RGS6: variants seen among roughly 807,000 people sequenced by gnomAD.
RGS6 encodes the protein regulator of G-protein signaling 6.
RGS6 carries 30 observed loss-of-function variants against 78.5 expected under a neutral mutation model. The ratio of observed to expected loss-of-function variants is 0.38; its 90% CI spans 0.29 to 0.52. The LOEUF (loss-of-function observed/expected upper bound fraction) is 0.52. Among genes scored for constraint, RGS6 ranks in the 20% least tolerant of loss-of-function variants. The pLI is 0.85. For missense variants in RGS6, 495 were observed against 609.7 expected (o/e 0.81, Z 1.98); for synonymous variants, 206 against 206.0 (o/e 1.00, Z 0.00).
At chr14:72,019,327 C>T (rs996242015) in intron 2 of RGS6, among the ~76,000 whole-genome samples, 1 of 152,166 alleles carries the variant, frequency 6.6e-6, no homozygotes, top group Non-Finnish European at 1.5e-5. Flanking sequence ...TCTAACACTC[C>T]TAATATATTT....
Position 72,472,865 on chromosome 14 carries a change from C to T in RGS6, c.537-7C>T, listed in dbSNP as rs1434009356. 6.2e-7 allele frequency: 1 copy of T among 1,600,168 alleles called. No individual in the cohort carries two copies. The highest frequency in any genetic ancestry group is 8.5e-7 in the Non-Finnish European group (1 of 1,170,552). On this transcript the variant is annotated splice_region_variant and splice_polypyrimidine_tract_variant and intron_variant, in intron 8 of 17. Transcript: ENST00000553525. ...TTCTTATTTCCTTCCTCTCTTTACT[C>T]TTTCAGGATTGACCGGAAAAAAGAC... is the stretch of plus-strand genomic sequence containing the variant.
intron 2 of RGS6, among the ~76,000 whole-genome samples, chr14:72,192,085 A>G (rs1374953233): frequency 6.6e-6 from 1 of 152,222 alleles, no homozygotes; most frequent in Non-Finnish European, 1.5e-5. Flanking sequence ...CCATGAGGGC[A>G]GGACTGAATT....
At chr14:72,344,438 AT>A (rs1290194883) in intron 2 of RGS6, among the ~76,000 whole-genome samples, 1 of 152,178 alleles carries the variant, frequency 6.6e-6, no homozygotes, top group Non-Finnish European at 1.5e-5. Context: ...AAATCTTCAG[AT>A]TTTTGTTATG....
At chr14:72,472,172 G>GAAAAAAAAAAA in intron 8 of RGS6, among the ~76,000 whole-genome samples, 1 of 141,558 alleles carries the variant, frequency 7.1e-6, no homozygotes, top group East Asian at 2.0e-4. Flanking sequence ...GCTTTTTTAA[G>GAAAAAAAAAAA]AAAAAAAAAA....
chr14:72,153,771 GA>G (rs1405222720), intron 2 of RGS6, among the ~76,000 whole-genome samples: 1 of 152,148 alleles, frequency 6.6e-6, no homozygotes, highest in East Asian at 1.9e-4. Context: ...GCAAAAGGTA[GA>G]ACAAAGATCA....
the RGS6 span, among the ~76,000 whole-genome samples, chr14:71,874,096 T>G: frequency 6.6e-6 from 1 of 152,344 alleles, no homozygotes; most frequent in South Asian, 2.1e-4. Flanking sequence ...GCTTTATTCT[T>G]TTTGCTTAGG....
At chr14:72,344,070 G>A (rs765810458) in intron 2 of RGS6, among the ~76,000 whole-genome samples, 4 of 152,168 alleles carry the variant, frequency 2.6e-5, no homozygotes, top group Non-Finnish European at 4.4e-5. Flanking sequence ...GAAAGATGAT[G>A]CCTTCTAAAG....
chr14:72,305,492 T>C (rs992188410), intron 2 of RGS6, among the ~76,000 whole-genome samples: 3 of 152,260 alleles, frequency 2.0e-5, no homozygotes, highest in African/African-American at 7.2e-5. Flanking sequence ...GTGTGTCATA[T>C]TTTGGTAATT....
At chr14:71,949,774 A>G (rs1369820417) in intron 1 of RGS6, among the ~76,000 whole-genome samples, 1 of 135,680 alleles carries the variant, frequency 7.4e-6, no homozygotes, top group Non-Finnish European at 1.6e-5. Context: ...AATTTATAGA[A>G]GCTCTATTTT....
chr14:72,345,618 T>TTAG lies in RGS6; in HGVS notation c.85-6477_85-6476insTAG, dbSNP rs1566580526. On this transcript the variant is annotated intron_variant, in intron 2 of 17. Transcript: ENST00000553525. ...CCAACCTCCTTGGAACCCATGCTTA[T>TTAG]CTTAGCTTCAGCCTCCAACACAGCC... Among the ~76,000 whole-genome samples, 5 of 152,100 alleles carry TTAG rather than the reference T, an allele frequency of 3.3e-5. No individual in the cohort carries two copies. In the East Asian group the frequency reaches 9.7e-4, roughly 29 times the overall value.
At chr14:72,370,897 T>C (rs1459755332) in intron 3 of RGS6, among the ~76,000 whole-genome samples, 1 of 152,248 alleles carries the variant, frequency 6.6e-6, no homozygotes, top group Non-Finnish European at 1.5e-5. Context: ...GAATAAAGTC[T>C]GTAATTAAAG....
At chr14:72,371,774 TTAAA>T (rs2083562571) in intron 3 of RGS6, among the ~76,000 whole-genome samples, 1 of 152,146 alleles carries the variant, frequency 6.6e-6, no homozygotes, top group African/African-American at 2.4e-5. Context: ...AAGAAATTAA[TTAAA>T]TAAAACATTC....
chr14:72,166,992 G>C (rs533886505), intron 2 of RGS6, among the ~76,000 whole-genome samples: 2 of 152,236 alleles, frequency 1.3e-5, no homozygotes, highest in Admixed American at 1.3e-4. Context: ...ACTATTTTCG[G>C]TTCAGTAATT....
chr14:72,085,674 C>T (rs747720383), intron 2 of RGS6, among the ~76,000 whole-genome samples: 4 of 151,726 alleles, frequency 2.6e-5, no homozygotes, highest in East Asian at 1.9e-4. Flanking sequence ...GCCAACATGG[C>T]GAAACCTCAT....
rs75911873 is a variant in RGS6 at position 72,223,281 on chromosome 14, G to A, written c.85-128814G>A. Among the ~76,000 whole-genome samples, 1,075 of 152,274 alleles carry A rather than the reference G, an allele frequency of 7.1e-3. 16 individuals carry two copies. Among genetic ancestry groups the A allele is most frequent in the African/African-American group, 0.025 (1,033 of 41,558 alleles). On this transcript the variant is annotated intron_variant, in intron 2 of 17. Coordinates refer to ENST00000553525, the MANE Select transcript of RGS6 (RefSeq NM_001204424.2). ...ACCTGGCCTTAAGGTTATCTTGCAGGTTAACTCCCTCTCTTAAAGAGATTC... is the reference window on the plus strand; with the variant it reads ...ACCTGGCCTTAAGGTTATCTTGCAGATTAACTCCCTCTCTTAAAGAGATTC...
intron 2 of RGS6, among the ~76,000 whole-genome samples, chr14:72,119,623 T>G (rs575819845): frequency 5.3e-5 from 8 of 152,312 alleles, no homozygotes; most frequent in African/African-American, 1.9e-4. Context: ...TTTAGCCATC[T>G]ATGAGCAAAG....
chr14:71,878,631 C>T, the RGS6 span, among the ~76,000 whole-genome samples: 3 of 152,222 alleles, frequency 2.0e-5, no homozygotes, highest in African/African-American at 7.2e-5. Context: ...CTTGCACTTC[C>T]TGGGTGAGGC....
chr14:71,964,497 ACT>A (rs1013841262), intron 1 of RGS6, among the ~76,000 whole-genome samples: 12 of 152,126 alleles, frequency 7.9e-5, no homozygotes, highest in East Asian at 1.9e-4. Context: ...TAAGAGCGAA[ACT>A]CTGTCTCAAA....
At chr14:72,046,036 G>A (rs2092807256) in intron 2 of RGS6, among the ~76,000 whole-genome samples, 1 of 151,990 alleles carries the variant, frequency 6.6e-6, no homozygotes, top group African/African-American at 2.4e-5. Context: ...GTCCTCAGAG[G>A]TCTTCTTGAG....
Sources: gnomAD v4.1 joint callset for allele counts (sites outside exome capture counted in the v4.1 genomes callset) on GRCh38, gnomAD v4.1.1 for gene constraint, MANE v1.5 for transcripts, NCBI Gene and HGNC (gene_info 2026-07-23, HGNC 2026-07-21) for gene names.